KCNT2: variants seen among roughly 807,000 people sequenced by gnomAD.
KCNT2 encodes the protein potassium channel subfamily T member 2.
Under a neutral mutation model 153.8 loss-of-function variants are expected in KCNT2, and 67 were observed. The observed-to-expected ratio is 0.44, with a 90% confidence interval of 0.36 to 0.53. The LOEUF is 0.53. Ranked by LOEUF, KCNT2 falls within the 20% of genes least tolerant of loss-of-function variation. KCNT2 has a pLI of 0.00. For missense variants in KCNT2, 975 were observed against 1,354.8 expected (o/e 0.72, Z 4.40); for synonymous variants, 500 against 458.8 (o/e 1.09, Z -1.15).
intron 8 of KCNT2, among the ~76,000 whole-genome samples, chr1:196,450,522 G>A (rs1048422011): frequency 6.6e-6 from 1 of 151,638 alleles, no homozygotes; most frequent in African/African-American, 2.4e-5. Context: ...GTATGTATGT[G>A]GCACCATCAT....
chr1:196,543,637 A>C (rs544170783), intron 1 of KCNT2, among the ~76,000 whole-genome samples: 1 of 152,286 alleles, frequency 6.6e-6, no homozygotes, highest in South Asian at 2.1e-4. Flanking sequence ...AATTTTCTAT[A>C]ATTTTCTGGA....
rs76867113 is a variant in KCNT2 at position 196,374,772 on chromosome 1, C to T, written c.1295-1524G>A. On this transcript the variant is annotated intron_variant, in intron 13 of 27. Transcript: ENST00000294725. ...AAAATAGAGTGACAAAACTGCTAAA[C>T]CCGGAATGTTATTACTGTAGAATCA... Among the ~76,000 whole-genome samples, 1,296 of 151,724 alleles carry T rather than the reference C, an allele frequency of 8.5e-3. 13 individuals carry two copies. Among genetic ancestry groups the T allele is most frequent in the African/African-American group, 0.025 (1,046 of 41,464 alleles).
intron 14 of KCNT2, among the ~76,000 whole-genome samples, chr1:196,355,805 A>C (rs1667126429): frequency 6.6e-6 from 1 of 151,784 alleles, no homozygotes; most frequent in Non-Finnish European, 1.5e-5. Context: ...CCATTATTAA[A>C]TAAGTTATAT....
rs72732289 is a variant in KCNT2, at chr1:196,595,315, G to C, written c.95+12900C>G. The stretch of plus-strand genomic sequence containing the variant: ...ATTCACTATAATTGAAATAATTATA[G>C]TGATAATAATGGTGATAGACAAATT... On this transcript the variant is annotated intron_variant, in intron 1 of 27. Coordinates refer to ENST00000294725, the MANE Select transcript of KCNT2 (RefSeq NM_198503.5). Among the ~76,000 whole-genome samples the C allele has an allele frequency of 5.7e-3, 871 of 152,138 alleles. 16 individuals are homozygous for C. Among genetic ancestry groups the C allele is most frequent in the Non-Finnish European group, 6.5e-3 (440 of 68,010 alleles).
intron 1 of KCNT2, among the ~76,000 whole-genome samples, chr1:196,524,834 T>G (rs1468422554): frequency 6.6e-6 from 1 of 152,186 alleles, no homozygotes; most frequent in Admixed American, 6.5e-5. Flanking sequence ...GTCAATCAAT[T>G]TAGATCTAAT....
intron 19 of KCNT2, among the ~76,000 whole-genome samples, chr1:196,320,580 AC>A (rs1663198270): frequency 6.6e-6 from 1 of 151,718 alleles, no homozygotes; most frequent in Admixed American, 6.6e-5. Flanking sequence ...GGCCAAGAAA[AC>A]TGGTACCTAC....
intron 14 of KCNT2, among the ~76,000 whole-genome samples, chr1:196,350,092 A>C (rs145462852): frequency 0.015 from 2,239 of 152,236 alleles, 23 homozygotes; most frequent in Non-Finnish European, 0.023. Flanking sequence ...ACATTTTCTT[A>C]ATCCAGTCTA....
At chr1:196,552,813 G>A (rs1658100305) in intron 1 of KCNT2, among the ~76,000 whole-genome samples, 1 of 151,112 alleles carries the variant, frequency 6.6e-6, no homozygotes, top group Admixed American at 6.6e-5. Flanking sequence ...TTTTTCATGT[G>A]TCTTTGTTTA....
chr1:196,409,022 CA>C (rs1260842151), intron 12 of KCNT2, among the ~76,000 whole-genome samples: 2 of 149,854 alleles, frequency 1.3e-5, no homozygotes, highest in African/African-American at 2.4e-5. Flanking sequence ...TTTTATACTT[CA>C]TGTATATTGA....
chr1:196,411,059 C>T (rs1199393931), intron 12 of KCNT2, among the ~76,000 whole-genome samples: 2 of 94,994 alleles, frequency 2.1e-5, no homozygotes, highest in African/African-American at 9.6e-5. Flanking sequence ...CCTCTATTCC[C>T]TCCTTCCTTC....
chr1:196,559,440 C>T (rs1027772393), intron 1 of KCNT2, among the ~76,000 whole-genome samples: 5 of 151,634 alleles, frequency 3.3e-5, no homozygotes, highest in African/African-American at 1.2e-4. Flanking sequence ...TATAAATGAA[C>T]TATGAATGTC....
chr1:196,274,520 A>C (rs1408377868), intron 25 of KCNT2, among the ~76,000 whole-genome samples: 1 of 151,732 alleles, frequency 6.6e-6, no homozygotes, highest in Non-Finnish European at 1.5e-5. Context: ...AGTCAATCCT[A>C]AACCTTATTA....
chr1:196,368,915 C>G (rs746050564), intron 14 of KCNT2, among the ~76,000 whole-genome samples: 4 of 152,144 alleles, frequency 2.6e-5, no homozygotes, highest in Non-Finnish European at 1.5e-5. Context: ...CTTCTGCCAA[C>G]TATGTACTTC....
chr1:196,507,042 A>G (rs1331676665), intron 1 of KCNT2, among the ~76,000 whole-genome samples: 1 of 152,102 alleles, frequency 6.6e-6, no homozygotes, highest in Non-Finnish European at 1.5e-5. Flanking sequence ...AGTAAATAAT[A>G]AATTTATTTT....
At chr1:196,583,741 C>G (rs1257616596) in intron 1 of KCNT2, among the ~76,000 whole-genome samples, 1 of 151,588 alleles carries the variant, frequency 6.6e-6, no homozygotes, top group Non-Finnish European at 1.5e-5. Flanking sequence ...TTGGACCTGG[C>G]ATGAAAAAGA....
intron 8 of KCNT2, among the ~76,000 whole-genome samples, chr1:196,430,815 T>C (rs1674088612): frequency 6.6e-6 from 1 of 152,090 alleles, no homozygotes; most frequent in Non-Finnish European, 1.5e-5. Context: ...AGTGAGACTA[T>C]GAATAATAAA....
chr1:196,373,237 AAAC>A lies in KCNT2; in HGVS notation c.1303_1305del (p.Val435del). 6.9e-7 allele frequency: 1 copy of A among 1,452,648 alleles called. No homozygotes were observed. Among genetic ancestry groups the A allele is most frequent in the Non-Finnish European group, 9.7e-7 (1 of 1,034,418 alleles). 90.0% of individuals were successfully genotyped at this position (1,452,648 alleles called of 1,614,324 possible). A position where few individuals can be genotyped will look rare whatever the true frequency, so the allele number is the denominator to read the frequency against. On this transcript the variant is annotated inframe_deletion, in exon 14 of 28. Transcript: ENST00000294725. ...ATGGCGTATTTAAACTCTTCTTCAC[AAAC>A]AACATGATCTGTTTGAAATAAAATA... is the stretch of plus-strand genomic sequence containing the variant.
chr1:196,341,529 C>T (rs1012440232), intron 15 of KCNT2, among the ~76,000 whole-genome samples: 24 of 151,636 alleles, frequency 1.6e-4, no homozygotes, highest in African/African-American at 5.8e-4. Context: ...CACATTAAAA[C>T]ATTTAATACA....
intron 1 of KCNT2, among the ~76,000 whole-genome samples, chr1:196,504,546 C>T (rs935867511): frequency 1.3e-5 from 2 of 152,104 alleles, no homozygotes; most frequent in Admixed American, 6.6e-5. Flanking sequence ...AATAAACATA[C>T]ATGTGCATGT....
Sources: gnomAD v4.1 joint callset for allele counts (sites outside exome capture counted in the v4.1 genomes callset) on GRCh38, gnomAD v4.1.1 for gene constraint, MANE v1.5 for transcripts, NCBI Gene and HGNC (gene_info 2026-07-23, HGNC 2026-07-21) for gene names.